Variants in CADPS2 observed in about 807,000 individuals in gnomAD.
CADPS2 encodes calcium-dependent secretion activator 2.
CADPS2 carries 93 observed loss-of-function variants against 172.5 expected under a neutral mutation model. That is an observed-to-expected ratio of 0.54 (90% CI 0.46 to 0.64). CADPS2 has a LOEUF of 0.64. Among genes scored for constraint, CADPS2 ranks in the 30% least tolerant of loss-of-function variants. The probability of loss-of-function intolerance (pLI) is 0.00; values close to 1 mark genes in which losing one functional copy is unlikely to be tolerated. For synonymous variants in CADPS2, 546 were observed against 555.2 expected, an observed-to-expected ratio of 0.98 and a Z score of 0.23; for missense variants, 1,420 against 1,565.9, an observed-to-expected ratio of 0.91 and a Z score of 1.57.
chr7:122,481,928 A>G (rs2057348915), intron 11 of CADPS2, among the ~76,000 whole-genome samples: 1 of 152,046 alleles, frequency 6.6e-6, no homozygotes, highest in Non-Finnish European at 1.5e-5. Flanking sequence ...GCTACTTGGG[A>G]GGCTGAGGCA....
chr7:122,815,684 C>T (rs893643532), intron 1 of CADPS2, among the ~76,000 whole-genome samples: 1 of 152,014 alleles, frequency 6.6e-6, no homozygotes, highest in African/African-American at 2.4e-5. Context: ...AGCATAAATC[C>T]ATATAAATTT....
At chr7:122,444,841 TTA>T (rs1226312458) in intron 15 of CADPS2, among the ~76,000 whole-genome samples, 1 of 152,160 alleles carries the variant, frequency 6.6e-6, no homozygotes, top group Non-Finnish European at 1.5e-5. Flanking sequence ...TGAATTATGA[TTA>T]TGTTTTATTT....
intron 1 of CADPS2, among the ~76,000 whole-genome samples, chr7:122,828,124 TG>T (rs1206182058): frequency 1.3e-5 from 2 of 152,220 alleles, no homozygotes. Flanking sequence ...ATCATGTCTC[TG>T]TGGTAGGTTT....
At chr7:122,666,330 C>T (rs540155809) in intron 2 of CADPS2, among the ~76,000 whole-genome samples, 1 of 146,902 alleles carries the variant, frequency 6.8e-6, no homozygotes, top group South Asian at 2.2e-4. Context: ...CATTGCCCTA[C>T]CTGTGTCTGC....
At chr7:122,797,473 T>C (rs1045924512) in intron 1 of CADPS2, among the ~76,000 whole-genome samples, 15 of 152,164 alleles carry the variant, frequency 9.9e-5, no homozygotes, top group South Asian at 2.1e-4. Context: ...GTGGAATGGA[T>C]AGAGAAAATG....
At position 122,875,368 on chromosome 7, in the gene CADPS2, T is replaced by C. The variant is rs186132957; in HGVS notation, c.339+10631A>G. 3.9e-5 allele frequency among the ~76,000 whole-genome samples: 6 copies of C among 152,304 alleles called. No individual in the cohort carries two copies. The East Asian group carries it at 9.7e-4, about 25-fold the overall frequency. ...TTGTAAGCATATACTCATGAATCTTTACACAACTAAGAGACTGGAATCAAA... is the reference window on the plus strand; with the variant it reads ...TTGTAAGCATATACTCATGAATCTTCACACAACTAAGAGACTGGAATCAAA... On this transcript the variant is annotated intron_variant, in intron 1 of 29. Coordinates refer to ENST00000449022, the MANE Select transcript of CADPS2 (RefSeq NM_017954.11).
At chr7:122,474,551 A>G (rs181623510) in intron 12 of CADPS2, 34 bp from the exon 13 acceptor site, 1 of 1,596,174 alleles carries the variant, frequency 6.3e-7, no homozygotes, top group East Asian at 2.3e-5. Context: ...CAGTATATTT[A>G]CTTTTCAGGC....
At chr7:122,399,164 T>C (rs1445596781) in intron 20 of CADPS2, among the ~76,000 whole-genome samples, 8 of 152,158 alleles carry the variant, frequency 5.3e-5, no homozygotes, top group Admixed American at 3.9e-4. Flanking sequence ...AAATGTTTCT[T>C]ACTTTTTTGG....
chr7:122,478,879 C>T (rs751627749), intron 12 of CADPS2, among the ~76,000 whole-genome samples: 3 of 152,176 alleles, frequency 2.0e-5, no homozygotes, highest in East Asian at 1.9e-4. Flanking sequence ...AATAAACACA[C>T]GTGTGCATGT....
chr7:122,820,434 AAAC>A (rs1429898699), intron 1 of CADPS2, among the ~76,000 whole-genome samples: 1 of 151,830 alleles, frequency 6.6e-6, no homozygotes, highest in East Asian at 1.9e-4. Flanking sequence ...ACCTTCTACA[AAAC>A]AACAACTCCT....
At chr7:122,364,378 C>T (rs1415477696) in intron 25 of CADPS2, among the ~76,000 whole-genome samples, 3 of 143,104 alleles carry the variant, frequency 2.1e-5, no homozygotes, top group African/African-American at 7.9e-5. Flanking sequence ...CACTGCACTC[C>T]ATCCTGGATG....
chr7:122,793,554 A>G (rs1048542691), intron 1 of CADPS2, among the ~76,000 whole-genome samples: 2 of 152,174 alleles, frequency 1.3e-5, no homozygotes, highest in African/African-American at 2.4e-5. Context: ...TAAAGACAGC[A>G]TATCAATGGG....
intron 8 of CADPS2, among the ~76,000 whole-genome samples, chr7:122,520,454 T>C (rs974590359): frequency 2.0e-5 from 3 of 152,002 alleles, no homozygotes; most frequent in African/African-American, 7.2e-5. Context: ...TACTATATAT[T>C]CTTGGCTAAC....
At chr7:122,675,288 T>C (rs2082272573) in intron 2 of CADPS2, among the ~76,000 whole-genome samples, 1 of 152,164 alleles carries the variant, frequency 6.6e-6, no homozygotes, top group African/African-American at 2.4e-5. Flanking sequence ...ATTCTGACTA[T>C]GCTGTCCAAG....
chr7:122,816,404 T>C (rs764546393), intron 1 of CADPS2, among the ~76,000 whole-genome samples: 75 of 152,204 alleles, frequency 4.9e-4, no homozygotes, highest in Non-Finnish European at 1.0e-3. Context: ...AATATCCCTG[T>C]GGGTACATGT....
chr7:122,599,327 GA>G (rs2072388645), intron 6 of CADPS2, among the ~76,000 whole-genome samples: 1 of 152,020 alleles, frequency 6.6e-6, no homozygotes. Flanking sequence ...AGAGGCTCCT[GA>G]AATAAACCTA....
chr7:122,658,709 G>A (rs2080131942), intron 3 of CADPS2, among the ~76,000 whole-genome samples: 2 of 152,114 alleles, frequency 1.3e-5, no homozygotes, highest in Admixed American at 6.5e-5. Flanking sequence ...CACAGGAAGG[G>A]GAACGAAACA....
At chr7:122,326,018 T>C (rs2033770752) in intron 28 of CADPS2, among the ~76,000 whole-genome samples, 1 of 151,674 alleles carries the variant, frequency 6.6e-6, no homozygotes, top group African/African-American at 2.4e-5. Context: ...AAAGAAGATG[T>C]GTTATGCTAT....
chr7:122,527,878 G>C (rs1439968341), intron 8 of CADPS2, among the ~76,000 whole-genome samples: 2 of 152,050 alleles, frequency 1.3e-5, no homozygotes, highest in Non-Finnish European at 2.9e-5. Context: ...CCAAAACAGA[G>C]AGAGAAGGGT....
Sources: gnomAD v4.1 joint callset for allele counts (sites outside exome capture counted in the v4.1 genomes callset) on GRCh38, gnomAD v4.1.1 for gene constraint, MANE v1.5 for transcripts, NCBI Gene and HGNC (gene_info 2026-07-23, HGNC 2026-07-21) for gene names.